ADGRL3: variants seen among roughly 807,000 people sequenced by gnomAD.
The protein encoded by ADGRL3 is adhesion G protein-coupled receptor L3, also known as calcium-independent alpha-latrotoxin receptor 3.
In ADGRL3, 62 loss-of-function variants were observed where a neutral mutation model predicts 153.5. The ratio of observed to expected loss-of-function variants is 0.40; its 90% CI spans 0.33 to 0.50. The LOEUF (loss-of-function observed/expected upper bound fraction) is 0.50, where lower values mean the gene tolerates loss of function less well. ADGRL3 is among the 20% of genes least tolerant of loss of function. The pLI is 0.47. For synonymous variants in ADGRL3, 710 were observed against 672.5 expected (o/e 1.06, Z -0.86); for missense variants, 1,641 against 1,859.4 (o/e 0.88, Z 2.16).
chr4:61,774,450 A>C (rs2097124344), intron 8 of ADGRL3, among the ~76,000 whole-genome samples: 1 of 151,658 alleles, frequency 6.6e-6, no homozygotes, highest in Non-Finnish European at 1.5e-5. Context: ...TTTTAGAAAA[A>C]CAATACAGTA....
chr4:61,249,680 G>C (rs887894918), intron 1 of ADGRL3, among the ~76,000 whole-genome samples: 1 of 152,160 alleles, frequency 6.6e-6, no homozygotes, highest in Non-Finnish European at 1.5e-5. Flanking sequence ...AGCTGAAAAC[G>C]TTGGGAAACG....
rs149284915 is a variant in ADGRL3, at chr4:61,375,422, A to G, written c.-239-7702A>G. Among the ~76,000 whole-genome samples, 832 of 152,240 alleles carry G rather than the reference A, an allele frequency of 5.5e-3. 8 individuals are homozygous for G. The highest frequency in any genetic ancestry group is 0.019 in the African/African-American group (789 of 41,552). On this transcript the variant is annotated intron_variant, in intron 1 of 26. Coordinates refer to ENST00000683033, the MANE Select transcript of ADGRL3 (RefSeq NM_001387552.1). ...TTTAAATTTCTTGCTCAAATTTTGG[A>G]CATAAACCGGGACAAGATTTCCTAC...
intron 8 of ADGRL3, among the ~76,000 whole-genome samples, chr4:61,812,918 A>G (rs80036255): frequency 0.11 from 16,069 of 152,192 alleles, 917 homozygotes; most frequent in Middle Eastern, 0.15. Flanking sequence ...TAAATACAGT[A>G]GGAATACTTT....
chr4:61,967,122 G>A (rs1264327860), intron 17 of ADGRL3, among the ~76,000 whole-genome samples: 1 of 151,922 alleles, frequency 6.6e-6, no homozygotes, highest in African/African-American at 2.4e-5. Context: ...TTAATAGTAG[G>A]GCCAATAGTG....
intron 1 of ADGRL3, among the ~76,000 whole-genome samples, chr4:61,295,656 T>C (rs2094385095): frequency 6.6e-6 from 1 of 152,018 alleles, no homozygotes; most frequent in African/African-American, 2.4e-5. Context: ...CTTAGGAATT[T>C]TTAAAAAGTA....
chr4:61,302,104 GTAT>G (rs1283361043), intron 1 of ADGRL3, among the ~76,000 whole-genome samples: 1 of 152,120 alleles, frequency 6.6e-6, no homozygotes, highest in Non-Finnish European at 1.5e-5. Context: ...AGAGTGCATG[GTAT>G]TATTGCAGAA....
intron 19 of ADGRL3, among the ~76,000 whole-genome samples, chr4:61,988,771 G>A (rs1445862298): frequency 6.6e-6 from 1 of 152,154 alleles, no homozygotes; most frequent in East Asian, 1.9e-4. Flanking sequence ...AAGGGAGAGA[G>A]CACACTGGGA....
intron 7 of ADGRL3, among the ~76,000 whole-genome samples, chr4:61,732,374 A>G (rs1456279948): frequency 2.0e-5 from 3 of 152,196 alleles, no homozygotes; most frequent in African/African-American, 4.8e-5. Flanking sequence ...TTGTTTCAAA[A>G]TATGTTCTTC....
intron 4 of ADGRL3, among the ~76,000 whole-genome samples, chr4:61,576,460 C>T (rs1373531928): frequency 1.3e-5 from 2 of 151,176 alleles, no homozygotes; most frequent in Non-Finnish European, 2.9e-5. Flanking sequence ...TCCTGTCCCA[C>T]ATTTCTAGCA....
In ADGRL3 at chr4:61,585,498, C is replaced by T. The variant is rs554421327; in HGVS notation, c.260-1729C>T. Among the ~76,000 whole-genome samples the T allele has an allele frequency of 1.4e-4, 21 of 151,988 alleles. No homozygotes were observed. The East Asian group carries it at 2.5e-3, about 18-fold the overall frequency. On this transcript the variant is annotated intron_variant, in intron 4 of 26. Coordinates refer to ENST00000683033, the MANE Select transcript of ADGRL3 (RefSeq NM_001387552.1). Reference sequence around the variant, plus strand: ...TCCCTTCTTTTCACATTTCATGCTTCGTAAAAAAGCCACAAGAGAAGCACA... The same window carrying T: ...TCCCTTCTTTTCACATTTCATGCTTTGTAAAAAAGCCACAAGAGAAGCACA...
intron 13 of ADGRL3, among the ~76,000 whole-genome samples, chr4:61,918,545 A>G (rs1363698049): frequency 6.6e-6 from 1 of 152,140 alleles, no homozygotes; most frequent in Non-Finnish European, 1.5e-5. Context: ...AGGACACTGT[A>G]ATATGAAGAG....
chr4:61,732,133 TC>T (rs1429449416), intron 7 of ADGRL3, among the ~76,000 whole-genome samples: 1 of 152,148 alleles, frequency 6.6e-6, no homozygotes, highest in Non-Finnish European at 1.5e-5. Context: ...CCTTTCTTTT[TC>T]TTCCTTTCTC....
intron 9 of ADGRL3, among the ~76,000 whole-genome samples, chr4:61,875,324 G>C (rs946083892): frequency 1.3e-5 from 2 of 152,032 alleles, no homozygotes; most frequent in Non-Finnish European, 2.9e-5. Context: ...CTTGCATTTA[G>C]AATACATAAT....
At chr4:62,007,615 C>T (rs924499279) in intron 21 of ADGRL3, among the ~76,000 whole-genome samples, 49 of 151,058 alleles carry the variant, frequency 3.2e-4, no homozygotes, top group Middle Eastern at 3.4e-3. Context: ...GCTCCTGGCT[C>T]ACTGCCTGTC....
chr4:61,967,900 G>C (rs2099012683), intron 17 of ADGRL3, among the ~76,000 whole-genome samples: 1 of 152,142 alleles, frequency 6.6e-6, no homozygotes, highest in Non-Finnish European at 1.5e-5. Context: ...AGTTCTAGAG[G>C]CTAGGAAGTC....
At chr4:61,465,965 A>G (rs1203291645) in intron 2 of ADGRL3, among the ~76,000 whole-genome samples, 1 of 151,550 alleles carries the variant, frequency 6.6e-6, no homozygotes, top group Non-Finnish European at 1.5e-5. Context: ...GTACTCGAAT[A>G]CAAAACATTA....
intron 8 of ADGRL3, among the ~76,000 whole-genome samples, chr4:61,803,970 A>G (rs1052928593): frequency 2.0e-5 from 3 of 152,224 alleles, no homozygotes; most frequent in Non-Finnish European, 4.4e-5. Context: ...TAAAAGTAGG[A>G]TGAATCTGTC....
rs543475187 is a variant in ADGRL3 at position 61,620,125 on chromosome 4, T to C, written c.473+32685T>C. Among the ~76,000 whole-genome samples the C allele has an allele frequency of 9.3e-4, 141 of 151,970 alleles. 2 individuals are homozygous for C. The highest frequency in any genetic ancestry group is 3.3e-3 in the African/African-American group (135 of 41,504). On this transcript the variant is annotated intron_variant, in intron 5 of 26. Coordinates refer to ENST00000683033, the MANE Select transcript of ADGRL3 (RefSeq NM_001387552.1). ...TTCTTCCTTTAAAAAAATGCGAGGG[T>C]ATCTTTTATGAATAGGAATACTTCC... is the stretch of plus-strand genomic sequence containing the variant.
At chr4:61,731,940 G>C (rs898236533) in intron 7 of ADGRL3, among the ~76,000 whole-genome samples, 1 of 152,070 alleles carries the variant, frequency 6.6e-6, no homozygotes, top group African/African-American at 2.4e-5. Context: ...TGAAGTATGA[G>C]CAGCAAAATA....
Sources: allele counts gnomAD v4.1 joint callset (sites outside exome capture counted in the v4.1 genomes callset), GRCh38; gene constraint gnomAD v4.1.1; transcripts MANE v1.5; gene names NCBI Gene and HGNC (gene_info 2026-07-23, HGNC 2026-07-21).